VWA8: variants seen among roughly 807,000 people sequenced by gnomAD.
VWA8 encodes von Willebrand factor A domain-containing protein 8.
VWA8 carries 221 observed loss-of-function variants against 241.5 expected under a neutral mutation model. That is an observed-to-expected ratio of 0.91 (90% CI 0.82 to 1.02). The LOEUF (loss-of-function observed/expected upper bound fraction) is 1.02, where lower values mean the gene tolerates loss of function less well. VWA8 is among the 50% of genes least tolerant of loss of function. VWA8 has a pLI of 0.00. For missense variants in VWA8, 2,322 were observed against 2,328.7 expected (o/e 1.00, Z 0.06); for synonymous variants, 852 against 827.1 (o/e 1.03, Z -0.52).
At chr13:41,685,356 T>A in intron 34 of VWA8, 114 bp from the exon 35 acceptor site, 1 of 1,037,786 alleles carries the variant, frequency 9.6e-7, no homozygotes, top group South Asian at 1.8e-5. Context: ...TTCACAGGTA[T>A]AAGAAAATCA....
At chr13:41,597,302 C>T (rs754713159) in intron 40 of VWA8, among the ~76,000 whole-genome samples, 1 of 151,984 alleles carries the variant, frequency 6.6e-6, no homozygotes, top group South Asian at 2.1e-4. Flanking sequence ...TTAAGGAAAA[C>T]TTTCATATTG....
intron 26 of VWA8, among the ~76,000 whole-genome samples, chr13:41,704,734 G>T (rs1390677394): frequency 6.6e-6 from 1 of 152,136 alleles, no homozygotes; most frequent in African/African-American, 2.4e-5. Context: ...CTCCGAAAGT[G>T]CTGGGATTAC....
intron 2 of VWA8, among the ~76,000 whole-genome samples, chr13:41,916,980 T>A (rs558272429): frequency 2.0e-5 from 3 of 152,300 alleles, no homozygotes; most frequent in East Asian, 3.8e-4. Flanking sequence ...AAGAGCTTGA[T>A]CCTATATTCT....
intron 15 of VWA8, among the ~76,000 whole-genome samples, 186 bp from the exon 16 acceptor site, chr13:41,816,961 C>A (rs750812044): frequency 2.0e-5 from 3 of 152,156 alleles, no homozygotes; most frequent in Non-Finnish European, 2.9e-5. Flanking sequence ...AACACTGAAA[C>A]CCCTGCTTTC....
At chr13:41,615,249 G>T (rs2044613726) in intron 37 of VWA8, among the ~76,000 whole-genome samples, 165 bp from the exon 38 acceptor site, 1 of 152,194 alleles carries the variant, frequency 6.6e-6, no homozygotes, top group Non-Finnish European at 1.5e-5. Flanking sequence ...CCATCAGATG[G>T]ATTCCAACAT....
chr13:41,831,655 C>T (rs9566859), intron 13 of VWA8, among the ~76,000 whole-genome samples: 36,094 of 139,184 alleles, frequency 0.26, 5,301 homozygotes, highest in Admixed American at 0.33. Flanking sequence ...GTCTCCCTCT[C>T]GTCACCCAGG....
At chr13:41,725,533 ACT>A (rs1465352693) in intron 24 of VWA8, among the ~76,000 whole-genome samples, 1 of 152,212 alleles carries the variant, frequency 6.6e-6, no homozygotes, top group African/African-American at 2.4e-5. Context: ...ATATGTGTAT[ACT>A]GCAATCACTC....
In VWA8 at chr13:41,767,253, T is replaced by C. The variant is rs187561535; in HGVS notation, c.2350-6049A>G. Among the ~76,000 whole-genome samples the C allele has an allele frequency of 7.0e-4, 106 of 152,314 alleles. 2 individuals are homozygous for C. The highest frequency in any genetic ancestry group is 2.5e-3 in the African/African-American group (103 of 41,566). On this transcript the variant is annotated intron_variant, in intron 20 of 44. Coordinates refer to ENST00000379310, the MANE Select transcript of VWA8 (RefSeq NM_015058.2). ...AAAATAACAAAATAAACCAATATTATGGTAAATCCAGAGAAATAAATTCCA... is the reference window on the plus strand; with the variant it reads ...AAAATAACAAAATAAACCAATATTACGGTAAATCCAGAGAAATAAATTCCA...
chr13:41,947,449 T>C (rs754070759), intron 2 of VWA8, among the ~76,000 whole-genome samples: 3 of 152,334 alleles, frequency 2.0e-5, no homozygotes, highest in Middle Eastern at 3.4e-3. Flanking sequence ...AGAAGTGACA[T>C]GATTTTGGGC....
chr13:41,602,013 C>T (rs1355473944), intron 40 of VWA8, among the ~76,000 whole-genome samples: 1 of 152,062 alleles, frequency 6.6e-6, no homozygotes, highest in Non-Finnish European at 1.5e-5. Context: ...ACTGGAGCCA[C>T]ACAGGACTGG....
At chr13:41,761,091 T>G in intron 21 of VWA8, 37 bp downstream of exon 21, 1,780 of 1,565,800 alleles carry the variant, frequency 1.1e-3, no homozygotes, top group Non-Finnish European at 1.4e-3. Flanking sequence ...AATGATTAAA[T>G]GAGATTTTTA....
intron 43 of VWA8, among the ~76,000 whole-genome samples, chr13:41,573,968 A>T (rs946098685): frequency 6.6e-6 from 1 of 152,162 alleles, no homozygotes; most frequent in Non-Finnish European, 1.5e-5. Context: ...AAAGAGTTCA[A>T]CTGGATTGTT....
chr13:41,576,224 G>A lies in VWA8; in HGVS notation c.5272-386C>T, dbSNP rs958945656. The stretch of plus-strand genomic sequence containing the variant: ...TTAAAATGGTGAGTTATTTGAAGGT[G>A]AGGCCACAGCTTATTTCTCTTTGAA... On this transcript the variant is annotated intron_variant, in intron 42 of 44. Transcript: ENST00000379310. 2.0e-5 allele frequency among the ~76,000 whole-genome samples: 3 copies of A among 152,250 alleles called. No individual in the cohort carries two copies. In the South Asian group the frequency reaches 6.2e-4, roughly 32 times the overall value.
At chr13:41,722,778 G>T (rs974918937) in intron 24 of VWA8, among the ~76,000 whole-genome samples, 2 of 152,070 alleles carry the variant, frequency 1.3e-5, no homozygotes, top group Non-Finnish European at 2.9e-5. Flanking sequence ...CAGGCAGCTG[G>T]TACAGCTAAT....
rs533428036 is a variant in VWA8 at position 41,754,761 on chromosome 13, T to C, written c.2426+6367A>G. On this transcript the variant is annotated intron_variant, in intron 21 of 44. Coordinates refer to ENST00000379310, the MANE Select transcript of VWA8 (RefSeq NM_015058.2). ...TTACTTCCGCAACACCCCACTATTC[T>C]TCCTAGCCTCTGGTGACCACGCTTC... Among the ~76,000 whole-genome samples the C allele has an allele frequency of 3.4e-4, 51 of 152,228 alleles. 1 individual carries two copies. In the South Asian group the frequency reaches 0.011, roughly 32 times the overall value.
chr13:41,755,738 C>G (rs2045690154), intron 21 of VWA8, among the ~76,000 whole-genome samples: 1 of 151,364 alleles, frequency 6.6e-6, no homozygotes, highest in East Asian at 1.9e-4. Flanking sequence ...TCTTTTTGCC[C>G]AATGAAAGAT....
chr13:41,701,317 T>C lies in VWA8; in HGVS notation c.3364+75A>G, dbSNP rs116482229. On this transcript the variant is annotated intron_variant, in intron 28 of 44. Transcript: ENST00000379310. ...CAAGTCTATCATAAACTTTTTGATG[T>C]CTAGAGATTATTTTAATCCATCTTT... The C allele has an allele frequency of 9.9e-4, 1,452 of 1,464,038 alleles. 7 individuals are homozygous for C. In the African/African-American group the frequency reaches 0.019, roughly 19 times the overall value. 90.7% of individuals were successfully genotyped at this position (1,464,038 alleles called of 1,614,324 possible).
intron 40 of VWA8, among the ~76,000 whole-genome samples, chr13:41,603,660 C>T (rs1416456830): frequency 2.0e-5 from 3 of 152,058 alleles, no homozygotes; most frequent in Non-Finnish European, 2.9e-5. Flanking sequence ...CTGGTGCCTA[C>T]GACTCTGGCA....
chr13:41,663,384 T>A (rs1044258382), intron 37 of VWA8, among the ~76,000 whole-genome samples: 2 of 152,184 alleles, frequency 1.3e-5, no homozygotes, highest in African/African-American at 4.8e-5. Flanking sequence ...AAGTAATTTT[T>A]AATTCTTATC....
Sources: gnomAD v4.1 joint callset for allele counts (sites outside exome capture counted in the v4.1 genomes callset) on GRCh38, gnomAD v4.1.1 for gene constraint, MANE v1.5 for transcripts, NCBI Gene and HGNC (gene_info 2026-07-23, HGNC 2026-07-21) for gene names.